Variants in PABIR3 observed in about 807,000 individuals in gnomAD.
PABIR3 encodes PABIR family member 1.
Under a neutral mutation model 23.1 loss-of-function variants are expected in PABIR3, and 20 were observed. That is an observed-to-expected ratio of 0.86 (90% confidence interval 0.61 to 1.26). The LOEUF (loss-of-function observed/expected upper bound fraction) is 1.26, where lower values mean the gene tolerates loss of function less well. Ranked by LOEUF, PABIR3 falls within the 50% of genes most tolerant of loss-of-function variation. The pLI is 0.00. For synonymous variants in PABIR3, 69 were observed against 68.5 expected (o/e 1.01, Z -0.04); for missense variants, 189 against 195.4 (o/e 0.97, Z 0.20).
chrX:134,847,245 A>G (rs1015183702), intron 6 of PABIR3, 138 bp from the exon 7 acceptor site: 12 of 415,984 alleles, frequency 2.9e-5, no homozygotes, highest in African/African-American at 2.7e-4. Context: ...TGATTGCTTT[A>G]GGATGGCGAG....
chrX:134,851,129 G>A (rs1322042660), intron 9 of PABIR3, among the ~76,000 whole-genome samples: 4 of 110,736 alleles, frequency 3.6e-5, no homozygotes, highest in Non-Finnish European at 5.7e-5. Flanking sequence ...GGCAGGGGGC[G>A]GGGGGAACTA....
chrX:134,814,912 G>T, intron 3 of PABIR3, 63 bp downstream of exon 3: 2 of 865,840 alleles, frequency 2.3e-6, no homozygotes, highest in Non-Finnish European at 3.2e-6. Flanking sequence ...TCAACCAATG[G>T]TCTTCAAACT....
At chrX:134,828,777 GT>G (rs1270404441) in intron 3 of PABIR3, among the ~76,000 whole-genome samples, 1 of 112,066 alleles carries the variant, frequency 8.9e-6, no homozygotes, top group Non-Finnish European at 1.9e-5. Context: ...GATATTTGAT[GT>G]AGTTATTCTG....
At chrX:134,814,703 CAAA>C (rs201263798) in intron 2 of PABIR3, 65 bp from the exon 3 acceptor site, 3,289 of 620,598 alleles carry the variant, frequency 5.3e-3, no homozygotes, top group Admixed American at 8.0e-3. Flanking sequence ...GACTCCGTCT[CAAA>C]AAAAAAAAAA....
the PABIR3 span, among the ~76,000 whole-genome samples, chrX:134,863,173 C>T: frequency 1.8e-5 from 2 of 111,532 alleles, no homozygotes; most frequent in African/African-American, 3.3e-5. Context: ...AAAGTAATTT[C>T]GGAATACTTC....
upstream of PABIR3, among the ~76,000 whole-genome samples, chrX:134,804,648 C>T (rs1603119229): frequency 8.9e-6 from 1 of 112,361 alleles, no homozygotes; most frequent in Admixed American, 9.4e-5. Flanking sequence ...GAAATTTTGT[C>T]TATTTATTCA....
In PABIR3 at chrX:134,841,254, T is replaced by C. The variant is rs767782130; in HGVS notation, c.247-3951T>C. On this transcript the variant is annotated intron_variant, in intron 4 of 10. Coordinates refer to ENST00000645433, the MANE Select transcript of PABIR3 (RefSeq NM_001388447.1). ...CTGGGATTACAGGCATAAGCCACTG[T>C]GCGTGGCCAAATTTTAATTCTTTCG... is the stretch of plus-strand genomic sequence containing the variant. Among the ~76,000 whole-genome samples the C allele has an allele frequency of 9.9e-5, 11 of 111,169 alleles. No homozygotes were observed. In the East Asian group the frequency reaches 2.6e-3, roughly 26 times the overall value.
intron 2 of PABIR3, chrX:134,810,645 T>C: frequency 1.3e-6 from 1 of 754,285 alleles, no homozygotes; most frequent in Non-Finnish European, 1.6e-6. Context: ...CTTAGTTGAA[T>C]TCATTTTCAC....
chrX:134,858,610 C>T (rs181460982), downstream of PABIR3, among the ~76,000 whole-genome samples: 3 of 111,788 alleles, frequency 2.7e-5, no homozygotes, highest in East Asian at 2.8e-4. Context: ...TCTTAAAAGT[C>T]GAGCTTGAAA....
Position 134,814,799 on chromosome X carries a change from A to T in PABIR3, c.139A>T (p.Met47Leu). ...GFNSQVLQADMLRIRTNRTTF... is the reference protein window; with the variant it reads ...GFNSQVLQADLLRIRTNRTTF... The stretch of plus-strand genomic sequence containing the variant: ...TAATTCACAGGTGTTGCAAGCTGAC[A>T]TGTTAAGAATTAGGACAAACAGAAC... Residue 47 changes from methionine to leucine, a missense_variant, in exon 3 of 11, where the codon ATG becomes TTG. By Grantham distance (15) the Met-to-Leu change is conservative. Coordinates refer to ENST00000645433, the MANE Select transcript of PABIR3 (RefSeq NM_001388447.1). 8.3e-7 allele frequency: 1 copy of T among 1,201,354 alleles called. No homozygotes were observed. The highest frequency in any genetic ancestry group is 1.1e-6 in the Non-Finnish European group (1 of 890,565).
chrX:134,842,335 G>A (rs774776074), intron 4 of PABIR3, among the ~76,000 whole-genome samples: 10 of 111,706 alleles, frequency 9.0e-5, no homozygotes, highest in African/African-American at 2.3e-4. Context: ...TTCTCTGGGC[G>A]CGGTGGCTCA....
intron 2 of PABIR3, chrX:134,810,038 A>T (rs1603153439): frequency 1.3e-6 from 1 of 752,884 alleles, no homozygotes; most frequent in South Asian, 6.8e-5. Flanking sequence ...GGGAAAAAGG[A>T]ATTATGGGAC....
upstream of PABIR3, among the ~76,000 whole-genome samples, chrX:134,806,168 C>T (rs1423036004): frequency 6.3e-5 from 7 of 111,957 alleles, no homozygotes; most frequent in African/African-American, 2.3e-4. Context: ...TCTAATACTA[C>T]CTGAAATGAA....
chrX:134,827,886 A>G (rs976251388), intron 3 of PABIR3, among the ~76,000 whole-genome samples: 4 of 109,051 alleles, frequency 3.7e-5, no homozygotes, highest in African/African-American at 1.3e-4. Flanking sequence ...CTTTGAACCC[A>G]AATCGTAACT....
chrX:134,829,790 G>T (rs1048424638), intron 4 of PABIR3, among the ~76,000 whole-genome samples: 1 of 111,779 alleles, frequency 8.9e-6, no homozygotes, highest in African/African-American at 3.2e-5. Flanking sequence ...GGGTGTATGT[G>T]GGTGGGTGGG....
chrX:134,833,398 A>G (rs2081875449), intron 4 of PABIR3, among the ~76,000 whole-genome samples: 1 of 110,837 alleles, frequency 9.0e-6, no homozygotes, highest in Non-Finnish European at 1.9e-5. Flanking sequence ...ATGCATAACA[A>G]ATTACCTTAT....
chrX:134,852,742 A>G, intron 9 of PABIR3, 58 bp from the exon 10 acceptor site: 1 of 706,362 alleles, frequency 1.4e-6, no homozygotes, highest in African/African-American at 2.2e-5. Flanking sequence ...TTTTGCAATT[A>G]AAATAATAAT....
At chrX:134,803,703 C>T (rs182251482), upstream of PABIR3, among the ~76,000 whole-genome samples, 158 of 111,532 alleles carry the variant, frequency 1.4e-3, no homozygotes, top group African/African-American at 5.0e-3. Flanking sequence ...TCTCAGCAAC[C>T]CTTAAGGCCA....
intron 2 of PABIR3, chrX:134,809,129 T>C (rs1366970670): frequency 1.2e-5 from 2 of 161,009 alleles, no homozygotes; most frequent in Admixed American, 1.6e-4. Context: ...GATGGTTAAC[T>C]GTATTTCTGA....
Sources: gnomAD v4.1 joint callset for allele counts (sites outside exome capture counted in the v4.1 genomes callset) on GRCh38, gnomAD v4.1.1 for gene constraint, MANE v1.5 for transcripts, NCBI Gene and HGNC (gene_info 2026-07-23, HGNC 2026-07-21) for gene names.